Variants in CTNNA3 observed in about 807,000 individuals in gnomAD.
CTNNA3 encodes catenin alpha 3, also known as catenin alpha-3.
In CTNNA3, 76 loss-of-function variants were observed where a neutral mutation model predicts 95.7. That is an observed-to-expected ratio of 0.79 (90% confidence interval 0.66 to 0.96). The LOEUF (loss-of-function observed/expected upper bound fraction) is 0.96. Among genes scored for constraint, CTNNA3 ranks in the 40% least tolerant of loss-of-function variants. The pLI, the probability that CTNNA3 is intolerant of heterozygous loss-of-function variation, is 0.00. For missense variants in CTNNA3, 1,191 were observed against 1,089.8 expected (o/e 1.09, Z -1.31); for synonymous variants, 431 against 374.4 (o/e 1.15, Z -1.74).
chr10:66,727,576 C>A (rs543714421), intron 9 of CTNNA3, among the ~76,000 whole-genome samples: 3 of 152,090 alleles, frequency 2.0e-5, no homozygotes, highest in African/African-American at 7.2e-5. Flanking sequence ...ATAATTAAAG[C>A]AATATTTCTT....
chr10:67,449,706 C>T (rs1846894770), intron 5 of CTNNA3, among the ~76,000 whole-genome samples: 1 of 152,006 alleles, frequency 6.6e-6, no homozygotes, highest in Non-Finnish European at 1.5e-5. Flanking sequence ...CTATAAAACC[C>T]CTGAAGACAA....
At chr10:66,831,604 A>C (rs979704293) in intron 7 of CTNNA3, among the ~76,000 whole-genome samples, 10 of 152,188 alleles carry the variant, frequency 6.6e-5, no homozygotes, top group Non-Finnish European at 4.4e-5. Context: ...AAGCACCATG[A>C]AAGCAGCGGA....
intron 15 of CTNNA3, among the ~76,000 whole-genome samples, chr10:66,016,091 G>C (rs1189632496): frequency 6.6e-6 from 1 of 152,180 alleles, no homozygotes; most frequent in Non-Finnish European, 1.5e-5. Flanking sequence ...GATAGTATCA[G>C]AGCTAGAGTG....
intron 10 of CTNNA3, among the ~76,000 whole-genome samples, chr10:66,576,270 T>C (rs915391594): frequency 2.6e-5 from 4 of 152,134 alleles, no homozygotes; most frequent in African/African-American, 9.7e-5. Flanking sequence ...TCTGGGGTGG[T>C]GCCCAGGAAC....
chr10:66,250,935 A>G (rs2090524100), intron 13 of CTNNA3, among the ~76,000 whole-genome samples: 1 of 152,184 alleles, frequency 6.6e-6, no homozygotes, highest in Admixed American at 6.5e-5. Flanking sequence ...TTGACTAGTT[A>G]CCATATGAAG....
At chr10:66,906,137 T>C (rs1008884400) in intron 7 of CTNNA3, among the ~76,000 whole-genome samples, 4 of 152,198 alleles carry the variant, frequency 2.6e-5, no homozygotes, top group South Asian at 2.1e-4. Context: ...ATTAGATGAA[T>C]AGTTGACAGG....
At chr10:66,426,376 G>T (rs1362120661) in intron 11 of CTNNA3, among the ~76,000 whole-genome samples, 1 of 151,968 alleles carries the variant, frequency 6.6e-6, no homozygotes, top group Non-Finnish European at 1.5e-5. Context: ...GTATATTACT[G>T]ATACACTTTC....
chr10:65,936,408 G>A (rs1327335993), intron 17 of CTNNA3, among the ~76,000 whole-genome samples: 1 of 152,036 alleles, frequency 6.6e-6, no homozygotes, highest in Non-Finnish European at 1.5e-5. Context: ...AAGGGGTCTA[G>A]AAGTAGACTC....
chr10:66,314,235 T>C (rs2092067344), intron 12 of CTNNA3, among the ~76,000 whole-genome samples: 1 of 152,148 alleles, frequency 6.6e-6, no homozygotes, highest in Non-Finnish European at 1.5e-5. Flanking sequence ...CTAGATGTCC[T>C]AGATAAAGAA....
intron 10 of CTNNA3, among the ~76,000 whole-genome samples, chr10:66,609,197 C>A (rs893253280): frequency 1.3e-5 from 2 of 151,242 alleles, no homozygotes; most frequent in African/African-American, 4.9e-5. Flanking sequence ...GAAGCTGGGA[C>A]CACAGGTATG....
At chr10:66,708,189 C>A (rs1037302953) in intron 9 of CTNNA3, among the ~76,000 whole-genome samples, 13 of 151,060 alleles carry the variant, frequency 8.6e-5, no homozygotes, top group Admixed American at 7.3e-4. Flanking sequence ...CTAGATGTGA[C>A]TATCATACAG....
intron 7 of CTNNA3, among the ~76,000 whole-genome samples, chr10:66,829,942 T>C (rs1222241439): frequency 6.6e-6 from 1 of 151,712 alleles, no homozygotes; most frequent in Non-Finnish European, 1.5e-5. Flanking sequence ...CTCGGCTCCC[T>C]GCAAGCTCCG....
intron 15 of CTNNA3, among the ~76,000 whole-genome samples, chr10:66,031,361 A>G (rs932528575): frequency 4.6e-5 from 7 of 152,232 alleles, no homozygotes; most frequent in Non-Finnish European, 1.0e-4. Flanking sequence ...TACATCATGG[A>G]ATATTATGTA....
intron 2 of CTNNA3, among the ~76,000 whole-genome samples, chr10:67,611,777 T>G (rs1843468676): frequency 6.6e-6 from 1 of 152,202 alleles, no homozygotes; most frequent in Admixed American, 6.5e-5. Context: ...TAAAACACTT[T>G]GAATTTCAAC....
chr10:66,942,548 GTC>G (rs67598003), intron 7 of CTNNA3, among the ~76,000 whole-genome samples: 7,237 of 147,594 alleles, frequency 0.049, 325 homozygotes, highest in African/African-American at 0.12. Context: ...TTGCCATAAT[GTC>G]TCTCTCTCTC....
chr10:67,001,477 GA>G (rs1851689368), intron 7 of CTNNA3, among the ~76,000 whole-genome samples: 1 of 151,636 alleles, frequency 6.6e-6, no homozygotes, highest in Admixed American at 6.6e-5. Context: ...GGGGAAATGG[GA>G]ATGGGGGGCA....
intron 3 of CTNNA3, among the ~76,000 whole-genome samples, chr10:67,597,939 A>G (rs768673358): frequency 6.6e-6 from 1 of 152,172 alleles, no homozygotes; most frequent in Non-Finnish European, 1.5e-5. Flanking sequence ...TCTACCAGCC[A>G]AAGAGTTATG....
intron 7 of CTNNA3, among the ~76,000 whole-genome samples, chr10:67,121,067 C>T (rs1397448926): frequency 6.6e-6 from 1 of 151,982 alleles, no homozygotes; most frequent in African/African-American, 2.4e-5. Flanking sequence ...ATTCCAAAAC[C>T]TTTATAAAAG....
At chr10:66,053,871 C>T (rs1004345577) in intron 15 of CTNNA3, among the ~76,000 whole-genome samples, 4 of 151,924 alleles carry the variant, frequency 2.6e-5, no homozygotes, top group Non-Finnish European at 5.9e-5. Flanking sequence ...TCCTTTTACC[C>T]AACTATATGT....
Sources: gnomAD v4.1 joint callset for allele counts (sites outside exome capture counted in the v4.1 genomes callset) on GRCh38, gnomAD v4.1.1 for gene constraint, MANE v1.5 for transcripts, NCBI Gene and HGNC (gene_info 2026-07-23, HGNC 2026-07-21) for gene names.